The following AQR variants were observed in gnomAD, a reference collection of about 807,000 sequenced individuals.
AQR encodes RNA helicase aquarius.
Under a neutral mutation model 180.5 loss-of-function variants are expected in AQR, and 61 were observed. That is an observed-to-expected ratio of 0.34 (90% CI 0.28 to 0.42). The LOEUF (loss-of-function observed/expected upper bound fraction) is 0.42, where lower values mean the gene tolerates loss of function less well. Among genes scored for constraint, AQR ranks in the 10% least tolerant of loss-of-function variants. The pLI, the probability that AQR is intolerant of heterozygous loss-of-function variation, is 1.00. For synonymous variants in AQR, 551 were observed against 588.8 expected (o/e 0.94, Z 0.93); for missense variants, 1,281 against 1,798.3 (o/e 0.71, Z 5.20).
chr15:34,961,655 T>C (rs1274846440), intron 2 of AQR, among the ~76,000 whole-genome samples: 1 of 99,188 alleles, frequency 1.0e-5, no homozygotes, highest in African/African-American at 3.7e-5. Flanking sequence ...TCTGGAACTG[T>C]ACATCTCAAA....
rs1893480948 is a variant in AQR, at chr15:34,910,311, T to C, written c.1487A>G (p.Gln496Arg). 1 of 1,611,678 alleles carries C rather than the reference T, an allele frequency of 6.2e-7. No homozygotes were observed. Among genetic ancestry groups the C allele is most frequent in the African/African-American group, 1.3e-5 (1 of 74,988 alleles). Residue 496 changes from glutamine (Q) to arginine (R), a missense_variant and splice_region_variant, in exon 17 of 35, where the codon CAA becomes CGA. Gln to Arg is a conservative substitution (Grantham distance 43). Coordinates refer to ENST00000156471, the MANE Select transcript of AQR (RefSeq NM_014691.3). ...AAACACTACACCGCCATATTCAGAT[T>C]GCCTGAAACCAAAGAAATGGATGAT... ...EDSVSRMKPWQSEYGGVVFGG... is the reference protein window; with the variant it reads ...EDSVSRMKPWRSEYGGVVFGG...
chr15:34,912,850 T>C (rs891309970), intron 16 of AQR, among the ~76,000 whole-genome samples: 3 of 152,162 alleles, frequency 2.0e-5, no homozygotes, highest in Non-Finnish European at 4.4e-5. Context: ...CTGCCTCCTA[T>C]GTAAAGACTT....
chr15:34,898,615 T>C (rs1027955764), intron 20 of AQR, among the ~76,000 whole-genome samples: 3 of 152,050 alleles, frequency 2.0e-5, no homozygotes, highest in Non-Finnish European at 2.9e-5. Flanking sequence ...GCCAGGCGCG[T>C]TGGCTCACAC....
intron 15 of AQR, among the ~76,000 whole-genome samples, chr15:34,915,816 G>T (rs1214873965): frequency 6.6e-6 from 1 of 151,708 alleles, no homozygotes; most frequent in Non-Finnish European, 1.5e-5. Flanking sequence ...TGTCATGGCG[G>T]GCGCCTGTAA....
chr15:34,927,686 T>C (rs1258935442), intron 12 of AQR, among the ~76,000 whole-genome samples: 1 of 152,140 alleles, frequency 6.6e-6, no homozygotes, highest in Non-Finnish European at 1.5e-5. Context: ...TAGTCTTCCT[T>C]GGGATTTAAC....
chr15:34,882,792 G>A (rs1315675200), intron 26 of AQR, among the ~76,000 whole-genome samples, 153 bp from the exon 27 acceptor site: 1 of 152,008 alleles, frequency 6.6e-6, no homozygotes, highest in Non-Finnish European at 1.5e-5. Flanking sequence ...TATGATTTCG[G>A]TACTAATTGA....
At chr15:34,949,458 A>G (rs1894182844) in intron 4 of AQR, among the ~76,000 whole-genome samples, 1 of 151,640 alleles carries the variant, frequency 6.6e-6, no homozygotes, top group African/African-American at 2.4e-5. Flanking sequence ...AAAATACAAA[A>G]ATTAGCTGGG....
chr15:34,901,469 T>C (rs1222105298), intron 19 of AQR, among the ~76,000 whole-genome samples: 2 of 152,222 alleles, frequency 1.3e-5, no homozygotes, highest in Non-Finnish European at 1.5e-5. Flanking sequence ...AAGGTCATTA[T>C]AGTAGTTAGC....
chr15:34,862,857 G>GT lies in AQR; in HGVS notation c.4029+9_4029+10insA. On this transcript the variant is annotated intron_variant, in intron 33 of 34. Coordinates refer to ENST00000156471, the MANE Select transcript of AQR (RefSeq NM_014691.3). ...AATGCTGTTTTATAAAATGAAGAAA[G>GT]AAGTCCTACCTTTCTAGTAGTTGGG... 3 of 1,612,292 alleles carry GT rather than the reference G, an allele frequency of 1.9e-6. No homozygotes were observed. Among genetic ancestry groups the GT allele is most frequent in the Non-Finnish European group, 2.5e-6 (3 of 1,179,162 alleles).
In AQR at chr15:34,940,883, A is replaced by G; in HGVS notation, c.641+16T>C. The G allele has an allele frequency of 1.3e-6, 2 of 1,563,118 alleles. No homozygotes were observed. The highest frequency in any genetic ancestry group is 1.1e-5 in the South Asian group (1 of 88,042). On this transcript the variant is annotated intron_variant, in intron 8 of 34. Coordinates refer to ENST00000156471, the MANE Select transcript of AQR (RefSeq NM_014691.3). ...AGCATAATAAGCCAACATGAAATGA[A>G]GCTCTGCCAACATACTGTTCTCTTG...
chr15:34,909,895 T>A (rs912377669), intron 17 of AQR, among the ~76,000 whole-genome samples: 6 of 152,232 alleles, frequency 3.9e-5, no homozygotes, highest in African/African-American at 1.4e-4. Flanking sequence ...AACGTTGATA[T>A]GTATGCAATT....
At chr15:34,876,406 A>AT (rs1220008999) in intron 27 of AQR, among the ~76,000 whole-genome samples, 1 of 151,826 alleles carries the variant, frequency 6.6e-6, no homozygotes, top group African/African-American at 2.4e-5. Flanking sequence ...TTTTGGGATA[A>AT]TTTTTTTTCC....
intron 13 of AQR, among the ~76,000 whole-genome samples, chr15:34,924,314 A>T (rs1323882423): frequency 1.3e-5 from 2 of 152,250 alleles, no homozygotes; most frequent in African/African-American, 4.8e-5. Flanking sequence ...TCTTCAATTA[A>T]ATCAGTCACA....
At chr15:34,863,182 G>T in intron 32 of AQR, 141 bp from the exon 33 acceptor site, 1 of 713,084 alleles carries the variant, frequency 1.4e-6, no homozygotes, top group Non-Finnish European at 2.2e-6. Flanking sequence ...CTTAATAGAA[G>T]TTAATCAATG....
intron 9 of AQR, among the ~76,000 whole-genome samples, chr15:34,936,087 A>G (rs1893939455): frequency 6.6e-6 from 1 of 152,190 alleles, no homozygotes; most frequent in South Asian, 2.1e-4. Context: ...TGCCTAAGGT[A>G]GAAACCTTGC....
rs1183317790 is a variant in AQR at position 34,947,500 on chromosome 15, T to A, written c.330+764A>T. 3.4e-5 allele frequency among the ~76,000 whole-genome samples: 4 copies of A among 117,774 alleles called. No individual in the cohort carries two copies. The East Asian group carries it at 7.1e-4, about 21-fold the overall frequency. The allele number at this position is 117,774 out of a possible 152,430, so 77.3% of individuals were successfully genotyped here. On this transcript the variant is annotated intron_variant, in intron 5 of 34. Coordinates refer to ENST00000156471, the MANE Select transcript of AQR (RefSeq NM_014691.3). ...CCCCTCTGCGAGAAACACCCAAGAA[T>A]GATCAATAAAAAAAATAATAATAAT...
chr15:34,951,989 G>A (rs1043494009), intron 4 of AQR, among the ~76,000 whole-genome samples: 1 of 152,156 alleles, frequency 6.6e-6, no homozygotes, highest in South Asian at 2.1e-4. Flanking sequence ...TAGGATACAG[G>A]AGGCACTCAA....
chr15:34,934,815 C>G (rs1302627602), intron 9 of AQR, among the ~76,000 whole-genome samples, 180 bp from the exon 10 acceptor site: 1 of 151,986 alleles, frequency 6.6e-6, no homozygotes, highest in African/African-American at 2.4e-5. Context: ...AGGCCTTACC[C>G]TGATACTTAG....
intron 19 of AQR, among the ~76,000 whole-genome samples, chr15:34,903,521 G>C (rs1450636915): frequency 6.6e-6 from 1 of 152,162 alleles, no homozygotes; most frequent in Non-Finnish European, 1.5e-5. Context: ...ATTAGAGGTA[G>C]AGTATGAGAT....
Sources: gnomAD v4.1 joint callset for allele counts (sites outside exome capture counted in the v4.1 genomes callset) on GRCh38, gnomAD v4.1.1 for gene constraint, MANE v1.5 for transcripts, NCBI Gene and HGNC (gene_info 2026-07-23, HGNC 2026-07-21) for gene names.